Variants in MAGOHB observed in about 807,000 individuals in gnomAD.
The protein encoded by MAGOHB is mago homolog B, exon junction complex subunit, also known as protein mago nashi homolog 2.
MAGOHB carries 15 observed loss-of-function variants against 20.9 expected under a neutral mutation model. That is an observed-to-expected ratio of 0.72 (90% confidence interval 0.48 to 1.11). MAGOHB has a LOEUF of 1.11. Among genes scored for constraint, MAGOHB ranks in the 50% least tolerant of loss-of-function variants. The pLI, the probability that MAGOHB is intolerant of heterozygous loss-of-function variation, is 0.00. For synonymous variants in MAGOHB, 50 were observed against 57.9 expected, an observed-to-expected ratio of 0.86 and a Z score of 0.62; for missense variants, 162 against 177.6, an observed-to-expected ratio of 0.91 and a Z score of 0.50.
chr12:10,610,008 G>T, intron 2 of MAGOHB, 67 bp from the exon 3 acceptor site: 2 of 847,858 alleles, frequency 2.4e-6, no homozygotes, highest in Middle Eastern at 2.3e-4. Context: ...AGAAAGAAAT[G>T]AGTTACAAAC....
At chr12:10,606,449 A>C (rs1865631589) in intron 4 of MAGOHB, 75 bp from the exon 5 acceptor site, 1 of 756,752 alleles carries the variant, frequency 1.3e-6, no homozygotes, top group Non-Finnish European at 2.1e-6. Context: ...AAACAAAACA[A>C]ATCAAAATCT....
In MAGOHB at chr12:10,606,261, T is replaced by C; in HGVS notation, c.*14A>G. 1 of 1,339,996 alleles carries C rather than the reference T, an allele frequency of 7.5e-7. No individual in the cohort carries two copies. The highest frequency in any genetic ancestry group is 2.5e-5 in the East Asian group (1 of 40,298). The allele number at this position is 1,339,996 out of a possible 1,614,324, so 83.0% of individuals were successfully genotyped here. On this transcript the variant is annotated 3_prime_UTR_variant, in exon 5 of 5. Transcript: ENST00000320756. Reference sequence around the variant, plus strand: ...CCCTTAATTAAATATACAAACAGCCTGAAAACATACAATTTAAATTGGTTT... The same window carrying C: ...CCCTTAATTAAATATACAAACAGCCCGAAAACATACAATTTAAATTGGTTT...
chr12:10,611,974 A>G (rs953007840), intron 1 of MAGOHB, among the ~76,000 whole-genome samples: 3 of 152,104 alleles, frequency 2.0e-5, no homozygotes, highest in African/African-American at 7.2e-5. Context: ...TGAAAATAAT[A>G]CTACATAAAG....
In MAGOHB at chr12:10,605,100, A is replaced by G. The variant is rs1865601190; in HGVS notation, c.*1175T>C. The G allele has an allele frequency of 6.6e-6, 1 of 151,894 alleles. No homozygotes were observed. The highest frequency in any genetic ancestry group is 1.5e-5 in the Non-Finnish European group (1 of 68,040). 9.4% of individuals were successfully genotyped at this position (151,894 alleles called of 1,614,324 possible). ...ATAGGTGTTCACTTTATAGTTCTCA[A>G]GAGTTTTTAATGTTTTATCCTTTTC... On this transcript the variant is annotated 3_prime_UTR_variant, in exon 5 of 5. Coordinates refer to ENST00000320756, the MANE Select transcript of MAGOHB (RefSeq NM_018048.5).
At position 10,606,377 on chromosome 12, in the gene MAGOHB, A is replaced by G; in HGVS notation, c.348-3T>C. On this transcript the variant is annotated splice_region_variant and splice_polypyrimidine_tract_variant and intron_variant, in intron 4 of 4. Transcript: ENST00000320756. ...ATACTCGAAGGCCTTCAGGATCCCTAAAATTTAAAAAGGTAAAAGTTACTT... is the reference window on the plus strand; with the variant it reads ...ATACTCGAAGGCCTTCAGGATCCCTGAAATTTAAAAAGGTAAAAGTTACTT... 6.6e-7 allele frequency: 1 copy of G among 1,513,946 alleles called. No individual in the cohort carries two copies. The highest frequency in any genetic ancestry group is 9.0e-7 in the Non-Finnish European group (1 of 1,115,410). 93.8% of individuals were successfully genotyped at this position (1,513,946 alleles called of 1,614,324 possible). A position where few individuals can be genotyped will look rare whatever the true frequency, so the allele number is the denominator to read the frequency against.
intron 1 of MAGOHB, among the ~76,000 whole-genome samples, chr12:10,612,469 TCTC>T (rs1865766135): frequency 6.6e-6 from 1 of 152,100 alleles, no homozygotes; most frequent in Non-Finnish European, 1.5e-5. Flanking sequence ...TTGATACTCT[TCTC>T]CTTTCCTAAT....
chr12:10,607,334 G>C (rs994811166), intron 4 of MAGOHB, among the ~76,000 whole-genome samples: 1 of 151,940 alleles, frequency 6.6e-6, no homozygotes, highest in Non-Finnish European at 1.5e-5. Context: ...ACTTTGAGGG[G>C]AATGGGCACA....
downstream of MAGOHB, among the ~76,000 whole-genome samples, chr12:10,602,387 T>G (rs963078633): frequency 6.6e-6 from 1 of 152,226 alleles, no homozygotes; most frequent in African/African-American, 2.4e-5. Context: ...AGCCAAATTT[T>G]CTAGCTGCTC....
chr12:10,600,717 C>A (rs1011449146), downstream of MAGOHB, among the ~76,000 whole-genome samples: 2 of 152,192 alleles, frequency 1.3e-5, no homozygotes, highest in African/African-American at 4.8e-5. Flanking sequence ...GCAGACCCTG[C>A]CAGAATGTAC....
In MAGOHB at chr12:10,612,780, C is replaced by T. The variant is rs1448350913; in HGVS notation, c.94+659G>A. On this transcript the variant is annotated intron_variant, in intron 1 of 4. Coordinates refer to ENST00000320756, the MANE Select transcript of MAGOHB (RefSeq NM_018048.5). ...CTCTAAGGATAGCGCTGTCAGAAAA[C>T]ACACTGTTGCACACTACTTGGGTAG... The T allele has an allele frequency of 5.5e-6, 7 of 1,264,696 alleles. No homozygotes were observed. In the African/African-American group the frequency reaches 7.7e-5, roughly 14 times the overall value. 78.3% of individuals were successfully genotyped at this position (1,264,696 alleles called of 1,614,324 possible).
At chr12:10,612,169 G>T (rs1352311337) in intron 1 of MAGOHB, among the ~76,000 whole-genome samples, 1 of 151,078 alleles carries the variant, frequency 6.6e-6, no homozygotes, top group East Asian at 1.9e-4. Context: ...GGGCAACATG[G>T]GGAAACCCAT....
downstream of MAGOHB, among the ~76,000 whole-genome samples, chr12:10,602,931 G>C (rs955310912): frequency 6.6e-5 from 10 of 152,128 alleles, no homozygotes; most frequent in Non-Finnish European, 1.2e-4. Context: ...AGCATGCAGG[G>C]AAGATGGTCT....
chr12:10,608,127 C>T (rs1039686273), intron 3 of MAGOHB, 191 bp from the exon 4 acceptor site: 16 of 428,464 alleles, frequency 3.7e-5, no homozygotes, highest in African/African-American at 1.9e-4. Context: ...ACTGCTCACG[C>T]GCACTACCCC....
Position 10,606,104 on chromosome 12 carries a change from A to T in MAGOHB, c.*171T>A, listed in dbSNP as rs1052871. On this transcript the variant is annotated 3_prime_UTR_variant, in exon 5 of 5. Transcript: ENST00000320756. ...TGTGTGTGGGGACTGTCCAACCCATATGGACTCAAGTAAGGATAACCATTA... is the reference window on the plus strand; with the variant it reads ...TGTGTGTGGGGACTGTCCAACCCATTTGGACTCAAGTAAGGATAACCATTA... 5.1e-5 allele frequency: 24 copies of T among 470,016 alleles called. No individual in the cohort carries two copies. The highest frequency in any genetic ancestry group is 2.1e-4 in the Admixed American group (5 of 23,704). 29.1% of individuals were successfully genotyped at this position (470,016 alleles called of 1,614,324 possible).
At chr12:10,601,554 A>C (rs1167576423), downstream of MAGOHB, among the ~76,000 whole-genome samples, 1 of 152,126 alleles carries the variant, frequency 6.6e-6, no homozygotes, top group Non-Finnish European at 1.5e-5. Context: ...TCATTTCTCT[A>C]AGTCTTGTAT....
chr12:10,611,004 T>C (rs761879716), intron 1 of MAGOHB, among the ~76,000 whole-genome samples: 2 of 152,246 alleles, frequency 1.3e-5, no homozygotes, highest in Admixed American at 6.5e-5. Flanking sequence ...GTTTGTTATA[T>C]GTCTGTATCG....
chr12:10,610,074 GA>G (rs1865696406), intron 2 of MAGOHB, 133 bp from the exon 3 acceptor site: 1 of 557,502 alleles, frequency 1.8e-6, no homozygotes, highest in Non-Finnish European at 3.1e-6. Context: ...AAAAGTAGAG[GA>G]GACAGAATCA....
chr12:10,606,520 A>G, intron 4 of MAGOHB, 146 bp from the exon 5 acceptor site: 1 of 597,368 alleles, frequency 1.7e-6, no homozygotes, highest in Non-Finnish European at 3.0e-6. Context: ...AACTAAAATG[A>G]ACATACAATT....
intron 4 of MAGOHB, among the ~76,000 whole-genome samples, chr12:10,607,082 G>GT (rs1865642493): frequency 6.6e-6 from 1 of 152,180 alleles, no homozygotes; most frequent in South Asian, 2.1e-4. Flanking sequence ...AAATTTGATA[G>GT]TTTAAAAGCA....
Sources: gnomAD v4.1 joint callset for allele counts (sites outside exome capture counted in the v4.1 genomes callset) on GRCh38, gnomAD v4.1.1 for gene constraint, MANE v1.5 for transcripts, NCBI Gene and HGNC (gene_info 2026-07-23, HGNC 2026-07-21) for gene names.